GLB1L3: variants seen among roughly 807,000 people sequenced by gnomAD.
GLB1L3 encodes galactosidase beta 1 like 3, also known as beta-galactosidase-1-like protein 3.
GLB1L3 carries 89 observed loss-of-function variants against 89.5 expected under a neutral mutation model. That is an observed-to-expected ratio of 0.99 (90% confidence interval 0.84 to 1.19). The LOEUF (loss-of-function observed/expected upper bound fraction) is 1.19. GLB1L3 is among the 50% of genes most tolerant of loss of function. GLB1L3 has a pLI of 0.00. For missense variants in GLB1L3, 812 were observed against 813.3 expected (o/e 1.00, Z 0.02); for synonymous variants, 314 against 312.3 (o/e 1.01, Z -0.06).
In GLB1L3 at chr11:134,313,823, C is replaced by T. The variant is rs912459205; in HGVS notation, c.1580-118C>T. 3.3e-5 allele frequency: 23 copies of T among 707,628 alleles called. No homozygotes were observed. The Admixed American group carries it at 4.1e-4, about 13-fold the overall frequency. 43.8% of individuals were successfully genotyped at this position (707,628 alleles called of 1,614,324 possible). A position where few individuals can be genotyped will look rare whatever the true frequency, so the allele number is the denominator to read the frequency against. Reference sequence around the variant, plus strand: ...ACAGCAGGTCAGACAAATGTTTGCCCTCCTGGCTGTGCCCCTGTCCTAAGG... The same window carrying T: ...ACAGCAGGTCAGACAAATGTTTGCCTTCCTGGCTGTGCCCCTGTCCTAAGG... On this transcript the variant is annotated intron_variant, in intron 16 of 19. Transcript: ENST00000431683.
intron 13 of GLB1L3, 175 bp from the exon 14 acceptor site, chr11:134,312,174 C>T (rs1396276179): frequency 3.1e-6 from 2 of 641,260 alleles, no homozygotes; most frequent in South Asian, 2.3e-5. Flanking sequence ...CCTGAGTTTC[C>T]TTCCTGGGCA....
Position 134,312,487 on chromosome 11 carries a change from C to A in GLB1L3, c.1426C>A (p.Gln476Lys). ...CCGTGCCCACGCTCATGACGTGGCACAGGTAGGGCCAGCAGGCTGTCTGTG... is the reference window on the plus strand; with the variant it reads ...CCGTGCCCACGCTCATGACGTGGCAAAGGTAGGGCCAGCAGGCTGTCTGTG... ...RLRAHAHDVA[Q>K]VFLDETMIGI... The change falls in exon 14 of 20, where the codon CAG (glutamine) becomes AAG (lysine). Residue 476 changes from glutamine (Q) to lysine (K), a missense_variant and splice_region_variant. This residue lies in a region of GLB1L3 where 618 missense variants were observed against 604.0 expected (regional missense o/e 1.02). Transcript: ENST00000431683. 1 of 1,611,048 alleles carries A rather than the reference C, an allele frequency of 6.2e-7. No individual in the cohort carries two copies. The highest frequency in any genetic ancestry group is 8.5e-7 in the Non-Finnish European group (1 of 1,179,790).
At chr11:134,290,078 G>T (rs1044706975) in intron 7 of GLB1L3, among the ~76,000 whole-genome samples, 4 of 152,256 alleles carry the variant, frequency 2.6e-5, no homozygotes, top group African/African-American at 7.2e-5. Context: ...CCGCGCTATA[G>T]CTGTGGCTTC....
intron 4 of GLB1L3, among the ~76,000 whole-genome samples, 199 bp from the exon 5 acceptor site, chr11:134,281,826 C>T (rs1159178700): frequency 4.8e-5 from 7 of 145,934 alleles, no homozygotes; most frequent in Non-Finnish European, 1.5e-5. Context: ...CTCAGGCCCC[C>T]GATGGGGCTG....
rs1341087186 is a variant in GLB1L3 at position 134,277,787 on chromosome 11, CT to C, written c.239del (p.Phe80SerfsTer9). On this transcript the variant is annotated frameshift_variant, in exon 3 of 20. Transcript: ENST00000431683. LOFTEE classifies it high-confidence loss of function. Reference sequence around the variant, plus strand: ...AAAGCACAGGTCGGGGTAAGCCCCACTTCACACTGGAGGGCCACAAGTTCCT... The same window carrying C: ...AAAGCACAGGTCGGGGTAAGCCCCACTCACACTGGAGGGCCACAAGTTCCT... ...TESTGRGKPH[F>X]TLEGHKFLIF... is the part of the protein sequence containing the mutation. 6.2e-7 allele frequency: 1 copy of C among 1,613,978 alleles called. No homozygotes were observed. The highest frequency in any genetic ancestry group is 8.5e-7 in the Non-Finnish European group (1 of 1,180,020).
intron 1 of GLB1L3, 65 bp from the exon 2 acceptor site, chr11:134,277,261 C>CGG (rs1940424333): frequency 3.1e-6 from 5 of 1,609,172 alleles, no homozygotes; most frequent in Non-Finnish European, 4.2e-6. Flanking sequence ...GCACAGCTTC[C>CGG]CGGCCCTTGC....
chr11:134,288,357 G>C (rs1040741453), intron 6 of GLB1L3, among the ~76,000 whole-genome samples: 1 of 152,176 alleles, frequency 6.6e-6, no homozygotes, highest in African/African-American at 2.4e-5. Context: ...AGGTCAGCTT[G>C]TTGCAAAGGA....
At chr11:134,319,747 TGC>T (rs67175449), downstream of GLB1L3, among the ~76,000 whole-genome samples, 39,519 of 139,118 alleles carry the variant, frequency 0.28, 5,726 homozygotes, top group Non-Finnish European at 0.34. Flanking sequence ...TGTGTGTGTG[TGC>T]GCGCGCGCGT....
intron 9 of GLB1L3, among the ~76,000 whole-genome samples, chr11:134,295,814 T>A (rs1038626325): frequency 2.0e-5 from 3 of 152,206 alleles, no homozygotes; most frequent in Non-Finnish European, 4.4e-5. Context: ...GTGTTTTCAT[T>A]GAGTTCAAAA....
At chr11:134,301,930 CTG>C (rs1941967537) in intron 9 of GLB1L3, among the ~76,000 whole-genome samples, 1 of 152,128 alleles carries the variant, frequency 6.6e-6, no homozygotes, top group African/African-American at 2.4e-5. Flanking sequence ...AAAACATACT[CTG>C]TACCTTTTCA....
chr11:134,321,357 AAAACAAAC>A (rs148649794), downstream of GLB1L3, among the ~76,000 whole-genome samples: 2 of 152,262 alleles, frequency 1.3e-5, no homozygotes, highest in Middle Eastern at 3.4e-3. Flanking sequence ...AGAGTAAGAA[AAAACAAAC>A]AAACAAAATC....
At chr11:134,308,613 CCACT>C (rs1487431481) in intron 10 of GLB1L3, among the ~76,000 whole-genome samples, 2 of 140,908 alleles carry the variant, frequency 1.4e-5, no homozygotes, top group African/African-American at 5.2e-5. Flanking sequence ...ACCACCACCA[CCACT>C]ATCACCACCA....
At chr11:134,276,840 C>A in intron 1 of GLB1L3, 77 bp downstream of exon 1, 2 of 1,233,708 alleles carry the variant, frequency 1.6e-6, no homozygotes, top group Non-Finnish European at 1.0e-6. Flanking sequence ...TCCCCGGGTT[C>A]TGTGGCCGGC....
chr11:134,296,183 C>T (rs1158566335), intron 9 of GLB1L3, among the ~76,000 whole-genome samples: 2 of 150,224 alleles, frequency 1.3e-5, no homozygotes, highest in African/African-American at 2.5e-5. Context: ...ATTAAAAAGT[C>T]AGGAAACAAC....
chr11:134,285,171 C>T (rs1302512732), intron 6 of GLB1L3, among the ~76,000 whole-genome samples: 8 of 151,978 alleles, frequency 5.3e-5, no homozygotes, highest in Non-Finnish European at 1.2e-4. Flanking sequence ...CTCGTGATCC[C>T]ACCACCTCTG....
chr11:134,291,349 C>T (rs1048681573), intron 7 of GLB1L3, among the ~76,000 whole-genome samples: 3 of 151,360 alleles, frequency 2.0e-5, no homozygotes, highest in African/African-American at 7.3e-5. Flanking sequence ...CAACCTCTAC[C>T]TCTGGTTTCA....
In GLB1L3 at chr11:134,307,209, G is replaced by T. The variant is rs754085504; in HGVS notation, c.961+1G>T. ...AAGCACCATGTTAAAGATGCAAAGG[G>T]TGAGTGTTTTGCAGTGTTTGACTCC... On this transcript the variant is annotated splice_donor_variant, in intron 10 of 19. Coordinates refer to ENST00000431683, the MANE Select transcript of GLB1L3 (RefSeq NM_001080407.3). LOFTEE classifies it high-confidence loss of function. The T allele has an allele frequency of 4.4e-5, 71 of 1,609,692 alleles. 1 individual carries two copies. The highest frequency in any genetic ancestry group is 6.0e-5 in the Non-Finnish European group (71 of 1,176,566).
chr11:134,310,007 G>A, intron 11 of GLB1L3: 1 of 533,512 alleles, frequency 1.9e-6, no homozygotes. Context: ...ATACTGCCCT[G>A]TTGGCTTGAA....
At chr11:134,299,363 CAT>C (rs949159012) in intron 9 of GLB1L3, among the ~76,000 whole-genome samples, 14 of 152,066 alleles carry the variant, frequency 9.2e-5, no homozygotes, top group African/African-American at 3.4e-4. Context: ...TTGTATGTCT[CAT>C]AATTTTTTAT....
Sources: gnomAD v4.1 joint callset for allele counts (sites outside exome capture counted in the v4.1 genomes callset) on GRCh38, gnomAD v4.1.1 for gene constraint, gnomAD v4.1.1 regional missense constraint, MANE v1.5 for transcripts, NCBI Gene and HGNC (gene_info 2026-07-23, HGNC 2026-07-21) for gene names.